ERCC6L: variants seen among roughly 807,000 people sequenced by gnomAD.
ERCC6L encodes DNA excision repair protein ERCC-6-like.
Under a neutral mutation model 20.1 loss-of-function variants are expected in ERCC6L, and 7 were observed. The observed-to-expected ratio is 0.35, with a 90% CI of 0.20 to 0.65. The LOEUF is 0.65. Ranked by LOEUF, ERCC6L falls within the 30% of genes least tolerant of loss-of-function variation. ERCC6L has a pLI of 0.69. For missense variants in ERCC6L, 592 were observed against 892.4 expected (o/e 0.66, Z 4.29); for synonymous variants, 278 against 331.3 (o/e 0.84, Z 1.75).
intron 1 of ERCC6L, among the ~76,000 whole-genome samples, chrX:72,212,875 A>G (rs2042863915): frequency 9.0e-6 from 1 of 111,590 alleles, no homozygotes; most frequent in Non-Finnish European, 1.9e-5. Flanking sequence ...CCTGGGAGGC[A>G]GGGGTTGCAT....
Position 72,205,374 on chromosome X carries a change from C to T in ERCC6L, c.3393G>A (p.Val1131=), listed in dbSNP as rs142184840. 1 of 1,210,581 alleles carries T rather than the reference C, an allele frequency of 8.3e-7. No homozygotes were observed. Among genetic ancestry groups the T allele is most frequent in the East Asian group, 3.0e-5 (1 of 33,796 alleles). ...TGGAGGCTTCGCCACTGCTTTCCTC[C>T]ACCCCTTCTTCTGGATAATCTTCAG... ...KGPEDYPEEG[V]EESSGEASKY... The change falls in exon 2 of 2, where the codon GTG becomes GTA. Residue 1131 remains valine, a synonymous_variant. Coordinates refer to ENST00000334463, the MANE Select transcript of ERCC6L (RefSeq NM_017669.4).
chrX:72,212,226 G>A (rs138349612), intron 1 of ERCC6L, among the ~76,000 whole-genome samples: 2,048 of 109,795 alleles, frequency 0.019, 52 homozygotes, highest in African/African-American at 0.065. Flanking sequence ...AGCCAAGATC[G>A]CACCACTACA....
rs1258315072 is a variant in ERCC6L at position 72,238,939 on chromosome X, C to T, written c.-28G>A. 8.7e-7 allele frequency: 1 copy of T among 1,145,352 alleles called. No homozygotes were observed. Among genetic ancestry groups the T allele is most frequent in the East Asian group, 3.2e-5 (1 of 31,700 alleles). 94.4% of individuals were successfully genotyped at this position (1,145,352 alleles called of 1,213,427 possible). On this transcript the variant is annotated 5_prime_UTR_variant, in exon 1 of 2. Transcript: ENST00000334463. The stretch of plus-strand genomic sequence containing the variant: ...CCCTCGGATTGGGTTCCAGTTACCC[C>T]GGCGGGAGTTTGGAGCTTGGAGCTT...
Position 72,205,522 on chromosome X carries a change from C to G in ERCC6L, c.3245G>C (p.Ser1082Thr), listed in dbSNP as rs766504041. 1 of 1,211,609 alleles carries G rather than the reference C, an allele frequency of 8.3e-7. No homozygotes were observed. The highest frequency in any genetic ancestry group is 2.2e-5 in the Admixed American group (1 of 45,994). The change falls in exon 2 of 2, where the codon AGT becomes ACT. Residue 1082 changes from serine to threonine, a missense_variant. Ser to Thr is a moderately conservative substitution (Grantham distance 58). Coordinates refer to ENST00000334463, the MANE Select transcript of ERCC6L (RefSeq NM_017669.4). ...TCTAGAGTTCATAGACTTATTTACA[C>G]TACTGGGTATTTGAGATGAAAAGAA... The part of the protein sequence containing the change: ...GRFFSSQIPS[S>T]VNKSMNSRRS...
intron 1 of ERCC6L, among the ~76,000 whole-genome samples, chrX:72,218,227 A>G (rs1458810668): frequency 1.9e-5 from 2 of 104,745 alleles, no homozygotes; most frequent in Non-Finnish European, 3.9e-5. Context: ...TCAAGATCGC[A>G]CCACTGCACT....
chrX:72,231,360 T>C (rs192484455), intron 1 of ERCC6L, among the ~76,000 whole-genome samples: 1 of 111,243 alleles, frequency 9.0e-6, no homozygotes, highest in East Asian at 2.8e-4. Flanking sequence ...ACATGGAATC[T>C]AGAAAAGAAG....
intron 1 of ERCC6L, among the ~76,000 whole-genome samples, chrX:72,214,680 A>G (rs978357353): frequency 9.4e-6 from 1 of 106,618 alleles, no homozygotes; most frequent in African/African-American, 3.5e-5. Context: ...CTCAAAAAAA[A>G]AAAAAAAAAC....
At chrX:72,234,161 A>G (rs1280132483) in intron 1 of ERCC6L, among the ~76,000 whole-genome samples, 1 of 112,118 alleles carries the variant, frequency 8.9e-6, no homozygotes, top group Non-Finnish European at 1.9e-5. Context: ...TAAGTATTTC[A>G]GCGTGAAATG....
intron 1 of ERCC6L, among the ~76,000 whole-genome samples, chrX:72,210,207 AAATAAAT>A (rs2042846100): frequency 1.5e-5 from 1 of 68,193 alleles, no homozygotes; most frequent in African/African-American, 6.3e-5. Context: ...CTTAAAAAAT[AAATAAAT>A]AAATAAATAA....
chrX:72,234,139 G>A (rs889743800), intron 1 of ERCC6L, among the ~76,000 whole-genome samples: 2 of 111,787 alleles, frequency 1.8e-5, no homozygotes, highest in African/African-American at 6.5e-5. Flanking sequence ...TTCTTTTTAA[G>A]GAATATATAC....
chrX:72,237,588 A>G lies in ERCC6L; in HGVS notation c.68+1256T>C, dbSNP rs1273647445. ...ACTCCAGCCTGGGTGACAGAGCGAG[A>G]CTGTATCAAAAAAAGAAAAAAAAAA... On this transcript the variant is annotated intron_variant, in intron 1 of 1. Coordinates refer to ENST00000334463, the MANE Select transcript of ERCC6L (RefSeq NM_017669.4). Among the ~76,000 whole-genome samples the G allele has an allele frequency of 8.1e-5, 8 of 98,208 alleles. No homozygotes were observed. In the Admixed American group the frequency reaches 9.0e-4, roughly 11 times the overall value. 85.3% of individuals were successfully genotyped at this position (98,208 alleles called of 115,157 possible).
Position 72,214,685 on chromosome X carries a change from A to AC in ERCC6L, c.69-5988_69-5987insG, listed in dbSNP as rs1415299291. On this transcript the variant is annotated intron_variant, in intron 1 of 1. Transcript: ENST00000334463. ...GAGACTCCATCTCAAAAAAAAAAAAAAAAACAAAACAAAAGTTTAGGCCAG... is the reference window on the plus strand; with the variant it reads ...GAGACTCCATCTCAAAAAAAAAAAAACAAAACAAAACAAAAGTTTAGGCCAG... 2.3e-3 allele frequency among the ~76,000 whole-genome samples: 239 copies of AC among 103,575 alleles called. 1 individual carries two copies. The highest frequency in any genetic ancestry group is 7.7e-3 in the African/African-American group (215 of 28,102). 89.9% of individuals were successfully genotyped at this position (103,575 alleles called of 115,157 possible).
At chrX:72,210,199 T>TAAAAAATA (rs1424042074) in intron 1 of ERCC6L, among the ~76,000 whole-genome samples, 1 of 77,772 alleles carries the variant, frequency 1.3e-5, no homozygotes, top group Non-Finnish European at 2.4e-5. Context: ...GACTGTCTCT[T>TAAAAAATA]AAAAAATAAA....
At chrX:72,230,297 C>G (rs1327498955) in intron 1 of ERCC6L, among the ~76,000 whole-genome samples, 1 of 111,127 alleles carries the variant, frequency 9.0e-6, no homozygotes, top group East Asian at 2.8e-4. Flanking sequence ...CAAGATAACC[C>G]CCCTCTGGCC....
intron 1 of ERCC6L, among the ~76,000 whole-genome samples, chrX:72,217,119 G>A (rs1252507336): frequency 1.8e-5 from 2 of 111,905 alleles, no homozygotes; most frequent in African/African-American, 3.2e-5. Flanking sequence ...TGCTTTCTGA[G>A]GGCATGTTGT....
At position 72,207,678 on chromosome X, in the gene ERCC6L, C is replaced by T. The variant is rs761863545; in HGVS notation, c.1089G>A (p.Arg363=). 8.3e-5 allele frequency: 100 copies of T among 1,208,540 alleles called. No individual in the cohort carries two copies. Among genetic ancestry groups the T allele is most frequent in the Non-Finnish European group, 1.1e-4 (99 of 894,583 alleles). The part of the protein sequence containing the change: ...DAICEMPSLS[R]KNDLIIWIRL... ...GTATCCAAATAATTAAATCATTTTT[C>T]CTGGAAAGGGAAGGCATTTCACAAA... Residue 363 remains arginine (R), a synonymous_variant, in exon 2 of 2, where the codon AGG becomes AGA. Coordinates refer to ENST00000334463, the MANE Select transcript of ERCC6L (RefSeq NM_017669.4).
intron 1 of ERCC6L, among the ~76,000 whole-genome samples, chrX:72,211,841 A>G (rs1315357464): frequency 2.7e-5 from 3 of 112,004 alleles, no homozygotes; most frequent in Non-Finnish European, 5.6e-5. Flanking sequence ...AGGTGATACA[A>G]CAATTAAACT....
intron 1 of ERCC6L, among the ~76,000 whole-genome samples, chrX:72,226,184 C>A (rs2042952565): frequency 8.9e-6 from 1 of 111,733 alleles, no homozygotes. Flanking sequence ...CTGACCAACA[C>A]TCATGCTTGA....
chrX:72,211,332 T>C (rs1467577625), intron 1 of ERCC6L, among the ~76,000 whole-genome samples: 1 of 109,969 alleles, frequency 9.1e-6, no homozygotes, highest in African/African-American at 3.3e-5. Context: ...CAAAGAACCA[T>C]AACCCTCAAG....
Sources: allele counts gnomAD v4.1 joint callset (sites outside exome capture counted in the v4.1 genomes callset), GRCh38; gene constraint gnomAD v4.1.1; transcripts MANE v1.5; gene names NCBI Gene and HGNC (gene_info 2026-07-23, HGNC 2026-07-21).